The following ITGAL variants were observed in gnomAD, a reference collection of about 807,000 sequenced individuals.
ITGAL encodes the protein integrin alpha-L.
In ITGAL, 68 loss-of-function variants were observed where a neutral mutation model predicts 138.4. That is an observed-to-expected ratio of 0.49 (90% confidence interval 0.40 to 0.60). The LOEUF (loss-of-function observed/expected upper bound fraction) is 0.60. ITGAL is among the 20% of genes least tolerant of loss of function. The pLI, the probability that ITGAL is intolerant of heterozygous loss-of-function variation, is 0.00. For missense variants in ITGAL, 1,256 were observed against 1,478.6 expected, an observed-to-expected ratio of 0.85 and a Z score of 2.47; for synonymous variants, 561 against 584.3, an observed-to-expected ratio of 0.96 and a Z score of 0.57.
At chr16:30,493,565 C>T (rs911726440) in intron 11 of ITGAL, among the ~76,000 whole-genome samples, 37 of 152,148 alleles carry the variant, frequency 2.4e-4, no homozygotes, top group African/African-American at 7.7e-4. Context: ...CGTGAGCCAC[C>T]GCACCTGGAC....
chr16:30,497,034 CAT>C (rs1483226144), intron 15 of ITGAL, among the ~76,000 whole-genome samples: 3 of 152,000 alleles, frequency 2.0e-5, no homozygotes, highest in Non-Finnish European at 4.4e-5. Context: ...TATTGGAAAA[CAT>C]ATAATTAAAA....
chr16:30,488,875 TCAA>T, intron 9 of ITGAL: 2 of 564,628 alleles, frequency 3.5e-6, no homozygotes, highest in South Asian at 1.9e-5. Flanking sequence ...AGACCTTGTT[TCAA>T]CAACAAAAAA....
At chr16:30,493,045 C>G (rs1285857464) in intron 11 of ITGAL, among the ~76,000 whole-genome samples, 1 of 151,756 alleles carries the variant, frequency 6.6e-6, no homozygotes, top group Non-Finnish European at 1.5e-5. Flanking sequence ...ATCACCACAC[C>G]TGGCTAGTTT....
chr16:30,485,276 G>GAGTGCCGTGGCGCAGTCTCTGCTCACTGC (rs2050627511), intron 9 of ITGAL, among the ~76,000 whole-genome samples: 1 of 144,838 alleles, frequency 6.9e-6, no homozygotes, highest in Non-Finnish European at 1.5e-5. Flanking sequence ...GCCCAGGCTG[G>GAGTGCCGTGGCGCAGTCTCTGCTCACTGC]AGTGCAGTGG....
intron 4 of ITGAL, among the ~76,000 whole-genome samples, chr16:30,475,940 G>A (rs2050465167): frequency 6.6e-6 from 1 of 151,616 alleles, no homozygotes; most frequent in Admixed American, 6.6e-5. Context: ...TTTGTAGACA[G>A]AGAGTGTCAC....
At chr16:30,510,276 G>C in intron 21 of ITGAL, 85 bp from the exon 22 acceptor site, 1 of 777,358 alleles carries the variant, frequency 1.3e-6, no homozygotes, top group Non-Finnish European at 2.3e-6. Flanking sequence ...GAGCCCCTGG[G>C]GGAGGTAGGC....
intron 7 of ITGAL, among the ~76,000 whole-genome samples, chr16:30,482,809 G>A (rs938876726): frequency 4.6e-5 from 7 of 151,996 alleles, no homozygotes; most frequent in Non-Finnish European, 1.5e-5. Context: ...GGAAGGCTGT[G>A]GGCAAAACAG....
chr16:30,486,476 AATT>A (rs2050648440), intron 9 of ITGAL, among the ~76,000 whole-genome samples: 1 of 152,116 alleles, frequency 6.6e-6, no homozygotes, highest in South Asian at 2.1e-4. Flanking sequence ...ATGTCTAAAT[AATT>A]AATAAAAATG....
chr16:30,484,284 G>A (rs777767494), intron 9 of ITGAL, 21 bp downstream of exon 9: 3 of 1,600,776 alleles, frequency 1.9e-6, no homozygotes, highest in South Asian at 1.1e-5. Flanking sequence ...GGCCCTGGGA[G>A]AGGGCTCGGG....
At chr16:30,506,057 C>T (rs925149426) in intron 20 of ITGAL, among the ~76,000 whole-genome samples, 3 of 150,432 alleles carry the variant, frequency 2.0e-5, no homozygotes, top group Admixed American at 1.3e-4. Flanking sequence ...GTCAGGAGCT[C>T]GAGGCCAGCC....
intron 17 of ITGAL, among the ~76,000 whole-genome samples, chr16:30,503,462 A>G (rs1268721623): frequency 7.8e-6 from 1 of 128,104 alleles, no homozygotes; most frequent in African/African-American, 3.0e-5. Flanking sequence ...TTTCTTTTCT[A>G]GAGGGGGACA....
intron 22 of ITGAL, 90 bp downstream of exon 22, chr16:30,510,561 G>A (rs1597102794): frequency 1.3e-6 from 1 of 791,140 alleles, no homozygotes; most frequent in South Asian, 1.4e-5. Flanking sequence ...GAAGGGAGCA[G>A]GTGATTGTCA....
intron 13 of ITGAL, among the ~76,000 whole-genome samples, chr16:30,495,878 T>C (rs2050791763): frequency 6.6e-6 from 1 of 151,756 alleles, no homozygotes; most frequent in African/African-American, 2.4e-5. Context: ...AATGTATATA[T>C]ATATAAATGG....
rs35387820 is a variant in ITGAL, at chr16:30,511,870, A to G, written c.2786+734A>G. ...TAAGAAGCAAGAGTTGGTGGGAGGA[A>G]AGGCAGGTTTATCTGGAAAGCCAGG... is the stretch of plus-strand genomic sequence containing the variant. On this transcript the variant is annotated intron_variant, in intron 24 of 30. Coordinates refer to ENST00000356798, the MANE Select transcript of ITGAL (RefSeq NM_002209.3). Among the ~76,000 whole-genome samples the G allele has an allele frequency of 3.7e-3, 566 of 152,306 alleles. 1 individual carries two copies. Among genetic ancestry groups the G allele is most frequent in the Non-Finnish European group, 6.7e-3 (453 of 68,034 alleles).
intron 17 of ITGAL, among the ~76,000 whole-genome samples, chr16:30,502,083 A>G (rs894120875): frequency 2.6e-5 from 4 of 152,056 alleles, no homozygotes; most frequent in African/African-American, 9.7e-5. Flanking sequence ...TCAGTTGCTT[A>G]TAAGCAATCC....
At chr16:30,475,897 G>T (rs984448139) in intron 4 of ITGAL, among the ~76,000 whole-genome samples, 1 of 151,734 alleles carries the variant, frequency 6.6e-6, no homozygotes, top group Non-Finnish European at 1.5e-5. Context: ...GACTATAGGC[G>T]CATGCTACCA....
intron 4 of ITGAL, among the ~76,000 whole-genome samples, chr16:30,476,475 G>A (rs1443104877): frequency 2.0e-5 from 3 of 152,006 alleles, no homozygotes; most frequent in African/African-American, 4.8e-5. Context: ...AAAAATATAT[G>A]ACAAGCACAT....
chr16:30,486,931 G>C (rs12933644), intron 9 of ITGAL, among the ~76,000 whole-genome samples: 2,131 of 152,018 alleles, frequency 0.014, 29 homozygotes, highest in South Asian at 0.05. Flanking sequence ...GAGTAGCTGG[G>C]ACTACAGATA....
intron 17 of ITGAL, 198 bp downstream of exon 17, chr16:30,499,687 GTATATATATGTGTATATATATATA>G (rs2050857325): frequency 2.9e-5 from 3 of 103,524 alleles, no homozygotes; most frequent in Non-Finnish European, 5.1e-5. Flanking sequence ...GTATATATAT[GTATATATATGTGTATATATATATA>G]TGTATATATA....
Sources: allele counts gnomAD v4.1 joint callset (sites outside exome capture counted in the v4.1 genomes callset), GRCh38; gene constraint gnomAD v4.1.1; transcripts MANE v1.5; gene names NCBI Gene and HGNC (gene_info 2026-07-23, HGNC 2026-07-21).